Variants in NCOA6 observed in about 807,000 individuals in gnomAD.
NCOA6 encodes nuclear receptor coactivator 6.
A neutral mutation model predicts 171.4 loss-of-function variants in NCOA6; 49 were observed. That is an observed-to-expected ratio of 0.29 (90% CI 0.23 to 0.36). The LOEUF (loss-of-function observed/expected upper bound fraction) is 0.36, where lower values mean the gene tolerates loss of function less well. NCOA6 is among the 10% of genes least tolerant of loss of function. NCOA6 has a pLI of 1.00. For missense variants in NCOA6, 2,248 were observed against 2,554.5 expected (o/e 0.88, Z 2.59); for synonymous variants, 910 against 927.5 (o/e 0.98, Z 0.34).
Position 34,817,212 on chromosome 20 carries a change from T to A in NCOA6, c.-164+8260A>T, listed in dbSNP as rs867568626. Among the ~76,000 whole-genome samples, 29 of 67,546 alleles carry A rather than the reference T, an allele frequency of 4.3e-4. 7 individuals carry two copies. Among genetic ancestry groups the A allele is most frequent in the South Asian group, 1.5e-3 (3 of 1,976 alleles). 44.3% of individuals were successfully genotyped at this position (67,546 alleles called of 152,430 possible). A position where few individuals can be genotyped will look rare whatever the true frequency, so the allele number is the denominator to read the frequency against. ...TGATATTCAACAGATTCAATATCAG[T>A]AAAGGAGCTGATTAATGGGAACTTT... On this transcript the variant is annotated intron_variant, in intron 1 of 14. Coordinates refer to ENST00000359003, the MANE Select transcript of NCOA6 (RefSeq NM_014071.5).
At chr20:34,753,749 A>G (rs577790439) in intron 8 of NCOA6, among the ~76,000 whole-genome samples, 1 of 152,326 alleles carries the variant, frequency 6.6e-6, no homozygotes, top group Non-Finnish European at 1.5e-5. Context: ...AAATTCAAGC[A>G]GTTTGCACTA....
intron 11 of NCOA6, 74 bp from the exon 12 acceptor site, chr20:34,736,832 A>C (rs961880498): frequency 5.4e-6 from 7 of 1,307,756 alleles, no homozygotes; most frequent in Non-Finnish European, 7.4e-6. Flanking sequence ...AACCTAATCA[A>C]GGGCTAAGTA....
intron 13 of NCOA6, among the ~76,000 whole-genome samples, chr20:34,731,178 C>T (rs1053304143): frequency 6.6e-6 from 1 of 152,140 alleles, no homozygotes; most frequent in Non-Finnish European, 1.5e-5. Flanking sequence ...CGCCACCATG[C>T]CTGGCTAATT....
At chr20:34,811,386 T>C (rs1010702197) in intron 1 of NCOA6, among the ~76,000 whole-genome samples, 3 of 151,716 alleles carry the variant, frequency 2.0e-5, no homozygotes, top group Non-Finnish European at 4.4e-5. Context: ...CTCTGATCTG[T>C]TGTCTAGGTG....
chr20:34,821,970 T>C (rs1468715131), intron 1 of NCOA6, among the ~76,000 whole-genome samples: 4 of 152,172 alleles, frequency 2.6e-5, no homozygotes, highest in Non-Finnish European at 5.9e-5. Flanking sequence ...ACTCACAATG[T>C]CAATAATCAA....
In NCOA6 at chr20:34,758,886, C is replaced by T. The variant is rs772536660; in HGVS notation, c.562G>A (p.Gly188Arg). Residue 188 changes from glycine to arginine, a missense_variant, in exon 6 of 15, where the codon GGA (glycine) becomes AGA (arginine). By Grantham distance (125) the Gly-to-Arg change is moderately radical. Around this residue, in one of 7 missense-constraint regions of NCOA6, gnomAD observed 987 missense variants for 1,104.7 expected, o/e 0.89. Coordinates refer to ENST00000359003, the MANE Select transcript of NCOA6 (RefSeq NM_014071.5). The stretch of plus-strand genomic sequence containing the variant: ...GCCATCATGGAAGATGACACATTTC[C>T]ACCCGGGGGTATCATAACAGTGGCA... ...NPATVMIPPGGNVSSSMMAPG... is the reference protein window; with the variant it reads ...NPATVMIPPGRNVSSSMMAPG... 5.8e-5 allele frequency: 94 copies of T among 1,613,706 alleles called. No homozygotes were observed. Among genetic ancestry groups the T allele is most frequent in the Non-Finnish European group, 7.5e-5 (88 of 1,179,924 alleles).
chr20:34,809,314 C>G (rs984929243), intron 1 of NCOA6: 2 of 393,374 alleles, frequency 5.1e-6, no homozygotes, highest in African/African-American at 4.1e-5. Flanking sequence ...ATGCAGCTTG[C>G]CAAAGTAAAA....
At chr20:34,790,688 C>T (rs1348193231) in intron 2 of NCOA6, among the ~76,000 whole-genome samples, 1 of 150,872 alleles carries the variant, frequency 6.6e-6, no homozygotes, top group East Asian at 2.0e-4. Context: ...CTGGCTCTGT[C>T]ACCCAGGCAG....
At chr20:34,728,363 A>C (rs1990219607) in intron 13 of NCOA6, among the ~76,000 whole-genome samples, 1 of 152,204 alleles carries the variant, frequency 6.6e-6, no homozygotes, top group African/African-American at 2.4e-5. Context: ...AAAAACATTT[A>C]CATACACTCC....
intron 1 of NCOA6, among the ~76,000 whole-genome samples, chr20:34,823,805 C>T (rs1201737428): frequency 1.3e-5 from 2 of 152,176 alleles, no homozygotes; most frequent in Middle Eastern, 3.4e-3. Context: ...CAGGCTCAAG[C>T]GATCCTCCCA....
intron 10 of NCOA6, among the ~76,000 whole-genome samples, chr20:34,746,212 T>C (rs761904711): frequency 7.9e-5 from 12 of 151,800 alleles, no homozygotes; most frequent in Non-Finnish European, 1.6e-4. Context: ...AACTAGAATC[T>C]TGACATTGAC....
In NCOA6 at chr20:34,743,077, G is replaced by A; in HGVS notation, c.3179C>T (p.Pro1060Leu). ...VSQNVHPPRG[P>L]LNPDSQRMPM... ...CATTCTCTGGGAGTCGGGGTTCAGG[G>A]GGCCCCTTGGAGGATGGACATTTTG... Residue 1060 changes from proline (P) to leucine (L), a missense_variant, in exon 11 of 15, where the codon CCC (proline) becomes CTC (leucine). Around this residue, in one of 7 missense-constraint regions of NCOA6, gnomAD observed 352 missense variants for 419.1 expected, o/e 0.84. Coordinates refer to ENST00000359003, the MANE Select transcript of NCOA6 (RefSeq NM_014071.5). 6.2e-7 allele frequency: 1 copy of A among 1,613,600 alleles called. No individual in the cohort carries two copies. Among genetic ancestry groups the A allele is most frequent in the South Asian group, 1.1e-5 (1 of 91,010 alleles).
intron 2 of NCOA6, among the ~76,000 whole-genome samples, chr20:34,790,233 G>T (rs777857252): frequency 6.6e-6 from 1 of 151,990 alleles, no homozygotes; most frequent in Non-Finnish European, 1.5e-5. Context: ...ATATAATAAG[G>T]AATGAAGTGC....
chr20:34,800,356 G>A (rs1291733622), intron 1 of NCOA6, among the ~76,000 whole-genome samples: 1 of 152,090 alleles, frequency 6.6e-6, no homozygotes, highest in Non-Finnish European at 1.5e-5. Context: ...AAAACGGCAG[G>A]AATAAGTCCT....
intron 14 of NCOA6, among the ~76,000 whole-genome samples, chr20:34,716,684 T>C (rs767421568): frequency 5.3e-5 from 8 of 151,876 alleles, no homozygotes; most frequent in Non-Finnish European, 1.2e-4. Context: ...CAGGAGTTCA[T>C]GGCTGAAGGA....
chr20:34,738,459 G>A (rs2076023757), intron 11 of NCOA6, among the ~76,000 whole-genome samples: 1 of 152,172 alleles, frequency 6.6e-6, no homozygotes, highest in South Asian at 2.1e-4. Context: ...ATACTTAATA[G>A]TGAAGGATAT....
chr20:34,741,631 T>C lies in NCOA6; in HGVS notation c.4625A>G (p.Glu1542Gly). ...AGGTAAGTTTAGGGAATTAGAAGGTTCTTTAGAAGAAGACAGATCCTGCAG... is the reference window on the plus strand; with the variant it reads ...AGGTAAGTTTAGGGAATTAGAAGGTCCTTTAGAAGAAGACAGATCCTGCAG... ...PTLQDLSSSK[E>G]PSNSLNLPHS... The change falls in exon 11 of 15, where the codon GAA (glutamate) becomes GGA (glycine). Residue 1542 changes from glutamate (E) to glycine (G), a missense_variant. Glu to Gly is a moderately conservative substitution (Grantham distance 98). Transcript: ENST00000359003. The C allele has an allele frequency of 6.2e-7, 1 of 1,614,136 alleles. No homozygotes were observed. The highest frequency in any genetic ancestry group is 8.5e-7 in the Non-Finnish European group (1 of 1,180,022).
chr20:34,823,323 G>A (rs2079060637), intron 1 of NCOA6, among the ~76,000 whole-genome samples: 1 of 151,854 alleles, frequency 6.6e-6, no homozygotes, highest in Non-Finnish European at 1.5e-5. Flanking sequence ...TTCAAGACCA[G>A]CCTGGGCAAC....
intron 8 of NCOA6, among the ~76,000 whole-genome samples, chr20:34,753,048 CTT>C (rs202176089): frequency 2.1e-5 from 3 of 145,172 alleles, no homozygotes; most frequent in Non-Finnish European, 1.5e-5. Context: ...TTAAAACATA[CTT>C]TTTTTTTTTT....
Sources: gnomAD v4.1 joint callset for allele counts (sites outside exome capture counted in the v4.1 genomes callset) on GRCh38, gnomAD v4.1.1 for gene constraint, gnomAD v4.1.1 regional missense constraint, MANE v1.5 for transcripts, NCBI Gene and HGNC (gene_info 2026-07-23, HGNC 2026-07-21) for gene names.